The following DCDC2C variants were observed in gnomAD, a reference collection of about 807,000 sequenced individuals.
The protein encoded by DCDC2C is doublecortin domain containing 2C.
DCDC2C carries 44 observed loss-of-function variants against 45.0 expected under a neutral mutation model. That is an observed-to-expected ratio of 0.98 (90% CI 0.77 to 1.26). The LOEUF (loss-of-function observed/expected upper bound fraction) is 1.26. Ranked by LOEUF, DCDC2C falls within the 50% of genes most tolerant of loss-of-function variation. The pLI is 0.00. For synonymous variants in DCDC2C, 187 were observed against 178.8 expected (o/e 1.05, Z -0.37); for missense variants, 447 against 468.9 (o/e 0.95, Z 0.43).
intron 3 of DCDC2C, among the ~76,000 whole-genome samples, chr2:3,732,284 A>T (rs896976631): frequency 6.6e-6 from 1 of 152,124 alleles, no homozygotes; most frequent in African/African-American, 2.4e-5. Flanking sequence ...CAACTGTGTC[A>T]TGGCATCACC....
intron 3 of DCDC2C, among the ~76,000 whole-genome samples, chr2:3,738,127 A>C (rs1224159413): frequency 6.6e-6 from 1 of 152,224 alleles, no homozygotes; most frequent in African/African-American, 2.4e-5. Flanking sequence ...TAGAAAAATA[A>C]GTCAACAAGA....
At chr2:3,732,676 C>T (rs918642760) in intron 3 of DCDC2C, among the ~76,000 whole-genome samples, 1 of 152,136 alleles carries the variant, frequency 6.6e-6, no homozygotes, top group South Asian at 2.1e-4. Context: ...TAACTCCTGA[C>T]AGTGTCTGAG....
At chr2:3,739,164 T>C (rs1456646018) in intron 3 of DCDC2C, among the ~76,000 whole-genome samples, 2 of 152,212 alleles carry the variant, frequency 1.3e-5, no homozygotes, top group African/African-American at 2.4e-5. Context: ...TATAAAAATG[T>C]GGAAATCTAG....
In DCDC2C at chr2:3,734,301, A is replaced by G. The variant is rs10169978; in HGVS notation, c.416+7222A>G. 0.25 allele frequency among the ~76,000 whole-genome samples: 37,435 copies of G among 152,184 alleles called. 4,972 individuals are homozygous for G. The highest frequency in any genetic ancestry group is 0.31 in the Admixed American group (4,717 of 15,296). On this transcript the variant is annotated intron_variant, in intron 3 of 10. Coordinates refer to ENST00000399143, the MANE Select transcript of DCDC2C (RefSeq NM_001287444.2). This position sits in a 1 kb window ranked among gnomAD's most constrained non-coding sequence, Gnocchi z 4.2. ...GGTTTGTGCTGATTAGTGATGGCATATCCAGCCTGGAAGGGCCCACCCTCC... is the reference window on the plus strand; with the variant it reads ...GGTTTGTGCTGATTAGTGATGGCATGTCCAGCCTGGAAGGGCCCACCCTCC...
Position 3,847,539 on chromosome 2 carries a change from T to C in DCDC2C, c.*356T>C. Reference sequence around the variant, plus strand: ...TGTGTACGGGAAGGTATCTCATTTATATGTAACTTGGAGGTTGTCACAAAA... The same window carrying C: ...TGTGTACGGGAAGGTATCTCATTTACATGTAACTTGGAGGTTGTCACAAAA... On this transcript the variant is annotated 3_prime_UTR_variant, in exon 11 of 11. Coordinates refer to ENST00000399143, the MANE Select transcript of DCDC2C (RefSeq NM_001287444.2). The C allele has an allele frequency of 5.8e-6, 1 of 172,876 alleles. No homozygotes were observed. Among genetic ancestry groups the C allele is most frequent in the Admixed American group, 6.3e-5 (1 of 15,902 alleles). 10.7% of individuals were successfully genotyped at this position (172,876 alleles called of 1,614,324 possible).
At chr2:3,842,560 A>G (rs946261563) in intron 10 of DCDC2C, among the ~76,000 whole-genome samples, 3 of 149,768 alleles carry the variant, frequency 2.0e-5, no homozygotes, top group Admixed American at 6.7e-5. Flanking sequence ...AAGGAATAGT[A>G]TGTGAGGAAG....
intron 2 of DCDC2C, among the ~76,000 whole-genome samples, chr2:3,713,386 C>A (rs1041692272): frequency 2.0e-5 from 3 of 152,094 alleles, no homozygotes; most frequent in Non-Finnish European, 2.9e-5. Context: ...ATGATCCATG[C>A]GAGGGGCTGG....
intron 2 of DCDC2C, among the ~76,000 whole-genome samples, chr2:3,710,475 G>T (rs1374154534): frequency 1.3e-5 from 2 of 152,106 alleles, no homozygotes; most frequent in Non-Finnish European, 2.9e-5. Context: ...TTCTGTTCCT[G>T]CATTAGTTTG....
intron 10 of DCDC2C, among the ~76,000 whole-genome samples, chr2:3,836,641 C>T (rs1056379311): frequency 6.6e-5 from 10 of 151,938 alleles, no homozygotes; most frequent in South Asian, 2.1e-4. Flanking sequence ...GGTGGGTGGA[C>T]CACAAGGTCA....
chr2:3,771,713 C>T (rs569091769), intron 8 of DCDC2C, among the ~76,000 whole-genome samples: 70 of 152,272 alleles, frequency 4.6e-4, no homozygotes, highest in Admixed American at 2.6e-4. Flanking sequence ...AGTCATGGAC[C>T]GGGTGGGTGG....
intron 4 of DCDC2C, among the ~76,000 whole-genome samples, chr2:3,743,133 G>GA (rs2148110797): frequency 6.6e-6 from 1 of 152,324 alleles, no homozygotes; most frequent in South Asian, 2.1e-4. Context: ...GACTTCACGT[G>GA]AAAAACTGCA....
At chr2:3,817,444 G>C (rs1478440011) in intron 10 of DCDC2C, among the ~76,000 whole-genome samples, 2 of 152,236 alleles carry the variant, frequency 1.3e-5, no homozygotes, top group East Asian at 3.8e-4. Flanking sequence ...AAGGCAATGA[G>C]TTTGGCTTGC....
intron 1 of DCDC2C, among the ~76,000 whole-genome samples, chr2:3,707,981 T>G (rs137985575): frequency 7.4e-4 from 113 of 152,342 alleles, no homozygotes; most frequent in African/African-American, 2.5e-3. Context: ...AAACATTTTA[T>G]TTTTGAGGAA....
intron 10 of DCDC2C, among the ~76,000 whole-genome samples, chr2:3,787,502 G>A (rs1670686009): frequency 6.6e-6 from 1 of 152,150 alleles, no homozygotes; most frequent in African/African-American, 2.4e-5. Context: ...TTTGAAAGAA[G>A]GAATGAGATT....
chr2:3,772,748 A>G (rs1670210057), intron 8 of DCDC2C, among the ~76,000 whole-genome samples: 1 of 152,208 alleles, frequency 6.6e-6, no homozygotes, highest in South Asian at 2.1e-4. Flanking sequence ...ACTTTTAATC[A>G]TACAAGTCAC....
At chr2:3,816,861 G>A (rs1483527330) in intron 10 of DCDC2C, among the ~76,000 whole-genome samples, 1 of 152,198 alleles carries the variant, frequency 6.6e-6, no homozygotes, top group African/African-American at 2.4e-5. Context: ...TAGTAGAATA[G>A]CAGATGGAAC....
chr2:3,754,494 G>T, intron 5 of DCDC2C, 98 bp from the exon 6 acceptor site: 2 of 1,232,898 alleles, frequency 1.6e-6, no homozygotes. Flanking sequence ...CCTCCTCGTG[G>T]TCACTTCCCT....
chr2:3,704,112 T>C (rs1229236752), intron 1 of DCDC2C, 74 bp downstream of exon 1: 5 of 1,184,320 alleles, frequency 4.2e-6, no homozygotes, highest in Non-Finnish European at 5.3e-6. Flanking sequence ...GTCAGGGCCG[T>C]GCCCCCCAGG....
chr2:3,842,438 G>A (rs1191589270), intron 10 of DCDC2C, among the ~76,000 whole-genome samples: 1 of 152,034 alleles, frequency 6.6e-6, no homozygotes, highest in Non-Finnish European at 1.5e-5. Context: ...GGGTGAGGAA[G>A]GGGGTGGTGG....
Sources: allele counts gnomAD v4.1 joint callset (sites outside exome capture counted in the v4.1 genomes callset), GRCh38; gene constraint gnomAD v4.1.1; non-coding constraint Gnocchi (gnomAD v3.1); transcripts MANE v1.5; gene names NCBI Gene and HGNC (gene_info 2026-07-23, HGNC 2026-07-21).